The following HS6ST3 variants were observed in gnomAD, a reference collection of about 807,000 sequenced individuals.
HS6ST3 encodes heparan-sulfate 6-O-sulfotransferase 3.
HS6ST3 carries 12 observed loss-of-function variants against 36.7 expected under a neutral mutation model. The ratio of observed to expected loss-of-function variants is 0.33; its 90% CI spans 0.21 to 0.53. The LOEUF (loss-of-function observed/expected upper bound fraction) is 0.53. Ranked by LOEUF, HS6ST3 falls within the 20% of genes least tolerant of loss-of-function variation. The pLI is 0.95. For missense variants in HS6ST3, 584 were observed against 640.9 expected (o/e 0.91, Z 0.96); for synonymous variants, 240 against 257.5 (o/e 0.93, Z 0.65).
intron 1 of HS6ST3, among the ~76,000 whole-genome samples, chr13:96,094,117 G>A (rs1473610962): frequency 8.5e-5 from 13 of 152,122 alleles, no homozygotes; most frequent in Admixed American, 7.2e-4. Flanking sequence ...TATGGCTCTT[G>A]TACTTACTAG....
chr13:96,285,542 A>G (rs1367348267), intron 1 of HS6ST3, among the ~76,000 whole-genome samples: 2 of 152,146 alleles, frequency 1.3e-5, no homozygotes, highest in African/African-American at 2.4e-5. Flanking sequence ...TTAGTGAGAG[A>G]AATTGGTGTT....
At chr13:96,803,646 T>C (rs1177361641) in intron 1 of HS6ST3, among the ~76,000 whole-genome samples, 1 of 152,190 alleles carries the variant, frequency 6.6e-6, no homozygotes, top group African/African-American at 2.4e-5. Context: ...AGCCCTATAT[T>C]CAAATTTGAA....
In HS6ST3 at chr13:96,737,493, C is replaced by T. The variant is rs867757890; in HGVS notation, c.708-94997C>T. 1.1e-3 allele frequency among the ~76,000 whole-genome samples: 167 copies of T among 150,696 alleles called. 1 individual carries two copies. Among genetic ancestry groups the T allele is most frequent in the African/African-American group, 3.4e-3 (142 of 41,164 alleles). On this transcript the variant is annotated intron_variant, in intron 1 of 1. Transcript: ENST00000376705. ...ACAAAAAATTAGCCGGGCGCGGTGG[C>T]GGGTGCCTGTAGTCCCAGCTACTCG...
rs67305199 is a variant in HS6ST3, at chr13:96,464,138, C to CAAAAAAAAAA, written c.708-368338_708-368329dup. Among the ~76,000 whole-genome samples the CAAAAAAAAAA allele has an allele frequency of 1.3e-3, 49 of 38,780 alleles. 9 individuals carry two copies. The highest frequency in any genetic ancestry group is 2.0e-3 in the Non-Finnish European group (40 of 19,902). 25.4% of individuals were successfully genotyped at this position (38,780 alleles called of 152,430 possible). A position where few individuals can be genotyped will look rare whatever the true frequency, so the allele number is the denominator to read the frequency against. On this transcript the variant is annotated intron_variant, in intron 1 of 1. Coordinates refer to ENST00000376705, the MANE Select transcript of HS6ST3 (RefSeq NM_153456.4). ...TCCTCAGGAAAGGACTGTCAGGCCT[C>CAAAAAAAAAA]AAAAAAAAAAAAAAAAAAAAAAATC...
intron 1 of HS6ST3, among the ~76,000 whole-genome samples, chr13:96,727,472 T>TGG (rs200798125): frequency 0.011 from 1,705 of 152,254 alleles, 27 homozygotes; most frequent in African/African-American, 0.039. Context: ...ATTGTTACAG[T>TGG]GGCTTTGCAT....
intron 1 of HS6ST3, among the ~76,000 whole-genome samples, chr13:96,707,241 G>A (rs1378779543): frequency 6.6e-6 from 1 of 152,094 alleles, no homozygotes; most frequent in Non-Finnish European, 1.5e-5. Flanking sequence ...AGAAACAAGA[G>A]AGAGATGATT....
chr13:96,648,253 T>A (rs556377494), intron 1 of HS6ST3, among the ~76,000 whole-genome samples: 2 of 152,126 alleles, frequency 1.3e-5, no homozygotes, highest in Non-Finnish European at 2.9e-5. Flanking sequence ...ACCTCAAATA[T>A]AACATGCCTA....
intron 1 of HS6ST3, among the ~76,000 whole-genome samples, chr13:96,351,816 C>T (rs898086877): frequency 2.0e-5 from 3 of 152,018 alleles, no homozygotes; most frequent in Non-Finnish European, 4.4e-5. Flanking sequence ...GGTATGATTG[C>T]CCATCTGAAA....
chr13:96,390,414 C>T (rs1287633295), intron 1 of HS6ST3, among the ~76,000 whole-genome samples: 1 of 152,136 alleles, frequency 6.6e-6, no homozygotes, highest in Non-Finnish European at 1.5e-5. Context: ...GCTTTGTCTC[C>T]TTCTGCCACG....
chr13:96,652,051 A>ATATACTTGTATTAAACT (rs2056609401), intron 1 of HS6ST3, among the ~76,000 whole-genome samples: 1 of 152,098 alleles, frequency 6.6e-6, no homozygotes, highest in African/African-American at 2.4e-5. Context: ...GTGTATATAC[A>ATATACTTGTATTAAACT]TATACTTGTA....
At chr13:96,366,944 T>G (rs140192654) in intron 1 of HS6ST3, among the ~76,000 whole-genome samples, 81 of 152,282 alleles carry the variant, frequency 5.3e-4, no homozygotes, top group African/African-American at 1.9e-3. Flanking sequence ...TCCCACCATG[T>G]AAGATGTGCC....
At chr13:96,616,588 C>T (rs2056475159) in intron 1 of HS6ST3, among the ~76,000 whole-genome samples, 1 of 152,136 alleles carries the variant, frequency 6.6e-6, no homozygotes, top group African/African-American at 2.4e-5. Flanking sequence ...ATAGAAATTA[C>T]TCTGTTTTAC....
At chr13:96,820,477 C>A (rs111969760) in intron 1 of HS6ST3, among the ~76,000 whole-genome samples, 7 of 151,992 alleles carry the variant, frequency 4.6e-5, no homozygotes, top group Non-Finnish European at 1.0e-4. Context: ...CGTTGAAGTG[C>A]GGAGTGTGTA....
intron 1 of HS6ST3, among the ~76,000 whole-genome samples, chr13:96,326,114 A>G (rs903953190): frequency 1.3e-5 from 2 of 151,872 alleles, no homozygotes; most frequent in African/African-American, 2.4e-5. Context: ...AAAACATCCA[A>G]TTTATTCTGC....
intron 1 of HS6ST3, among the ~76,000 whole-genome samples, chr13:96,589,658 A>T (rs956795300): frequency 6.6e-6 from 1 of 151,786 alleles, no homozygotes; most frequent in Non-Finnish European, 1.5e-5. Flanking sequence ...ATGGGTGTGT[A>T]TTGCTATAAA....
chr13:96,338,767 T>G (rs905120664), intron 1 of HS6ST3, among the ~76,000 whole-genome samples: 10 of 152,140 alleles, frequency 6.6e-5, no homozygotes, highest in Admixed American at 6.5e-4. Context: ...TTGTAGGGCT[T>G]CACCTTTGGT....
intron 1 of HS6ST3, among the ~76,000 whole-genome samples, chr13:96,112,653 A>G (rs2053876274): frequency 7.4e-6 from 1 of 134,768 alleles, no homozygotes; most frequent in African/African-American, 2.7e-5. Context: ...CTGTGGTCCC[A>G]GCTACTCCGG....
chr13:96,150,987 A>C (rs763628552), intron 1 of HS6ST3, among the ~76,000 whole-genome samples: 1 of 152,186 alleles, frequency 6.6e-6, no homozygotes, highest in Non-Finnish European at 1.5e-5. Flanking sequence ...TCCTTCTGGC[A>C]TGTAGGTTGT....
rs929679835 is a variant in HS6ST3 at position 96,527,390 on chromosome 13, A to T, written c.708-305100A>T. ...GGATAATAAGTATTTATTGAGTACC[A>T]TGTTAGAACTGTGGTGGCAAATAAA... On this transcript the variant is annotated intron_variant, in intron 1 of 1. Coordinates refer to ENST00000376705, the MANE Select transcript of HS6ST3 (RefSeq NM_153456.4). Among the ~76,000 whole-genome samples, 3 of 152,306 alleles carry T rather than the reference A, an allele frequency of 2.0e-5. 1 individual carries two copies. Among genetic ancestry groups the T allele is most frequent in the Admixed American group, 2.0e-4 (3 of 15,304 alleles).
Sources: gnomAD v4.1 joint callset for allele counts (sites outside exome capture counted in the v4.1 genomes callset) on GRCh38, gnomAD v4.1.1 for gene constraint, MANE v1.5 for transcripts, NCBI Gene and HGNC (gene_info 2026-07-23, HGNC 2026-07-21) for gene names.